The following KIAA1671 variants were observed in gnomAD, a reference collection of about 807,000 sequenced individuals.
KIAA1671 encodes uncharacterized protein KIAA1671.
KIAA1671 carries 52 observed loss-of-function variants against 131.2 expected under a neutral mutation model. The ratio of observed to expected loss-of-function variants is 0.40; its 90% CI spans 0.32 to 0.50. The LOEUF is 0.50. Among genes scored for constraint, KIAA1671 ranks in the 20% least tolerant of loss-of-function variants. KIAA1671 has a pLI of 0.73. For synonymous variants in KIAA1671, 1,003 were observed against 961.6 expected, an observed-to-expected ratio of 1.04 and a Z score of -0.80; for missense variants, 2,360 against 2,364.2, an observed-to-expected ratio of 1.00 and a Z score of 0.04.
intron 3 of KIAA1671, 29 bp downstream of exon 3, chr22:25,029,569 T>TCAGC (rs1926160134): frequency 6.9e-7 from 1 of 1,458,294 alleles, no homozygotes; most frequent in Non-Finnish European, 9.2e-7. Flanking sequence ...CACCCCTCTC[T>TCAGC]CAGCCGCCCA....
chr22:25,186,584 A>G (rs1415229107), intron 11 of KIAA1671: 1 of 152,228 alleles, frequency 6.6e-6, no homozygotes, highest in East Asian at 1.9e-4. Flanking sequence ...CAATGCAGTA[A>G]GTCCCTGCCT....
chr22:25,136,284 T>C (rs1262911498), intron 6 of KIAA1671, among the ~76,000 whole-genome samples: 2 of 152,194 alleles, frequency 1.3e-5, no homozygotes, highest in Admixed American at 1.3e-4. Context: ...CAATCAGCAT[T>C]ATGATCCTTG....
intron 6 of KIAA1671, among the ~76,000 whole-genome samples, chr22:25,170,018 G>A (rs1303540415): frequency 4.6e-5 from 7 of 152,106 alleles, no homozygotes; most frequent in South Asian, 2.1e-4. Flanking sequence ...AGTTCACGCC[G>A]TTCTCCTGCC....
At chr22:25,187,617 T>C (rs922133422) in intron 11 of KIAA1671, among the ~76,000 whole-genome samples, 6 of 152,142 alleles carry the variant, frequency 3.9e-5, no homozygotes, top group Non-Finnish European at 7.4e-5. Context: ...AGGTGAATCC[T>C]CCCACCTCAG....
rs989375056 is a variant in KIAA1671, at chr22:25,192,608, C to T, written c.*207C>T. The T allele has an allele frequency of 3.3e-5, 5 of 152,292 alleles. No homozygotes were observed. Among genetic ancestry groups the T allele is most frequent in the African/African-American group, 1.2e-4 (5 of 41,476 alleles). 9.4% of individuals were successfully genotyped at this position (152,292 alleles called of 1,614,324 possible). A position where few individuals can be genotyped will look rare whatever the true frequency, so the allele number is the denominator to read the frequency against. ...AAGACCCAACCTCCAGGAGCACTCG[C>T]TCATCTCCCCAGACAGCACTTCAGG... On this transcript the variant is annotated 3_prime_UTR_variant, in exon 13 of 13. Transcript: ENST00000358431.
At chr22:24,954,370 G>C (rs996818015) in intron 1 of KIAA1671, among the ~76,000 whole-genome samples, 3 of 152,090 alleles carry the variant, frequency 2.0e-5, no homozygotes, top group African/African-American at 7.2e-5. Context: ...GACAGTTCCC[G>C]AGGAATTTGT....
At chr22:24,963,141 A>G (rs888859048) in intron 1 of KIAA1671, among the ~76,000 whole-genome samples, 35 of 152,040 alleles carry the variant, frequency 2.3e-4, no homozygotes, top group African/African-American at 7.7e-4. Context: ...AGGCGGGCGG[A>G]TCACCTGAGG....
intron 1 of KIAA1671, among the ~76,000 whole-genome samples, chr22:25,005,509 T>C (rs996707293): frequency 1.3e-5 from 2 of 152,130 alleles, no homozygotes; most frequent in Non-Finnish European, 2.9e-5. Flanking sequence ...GCAAACTTGT[T>C]GCACTCGGCA....
At chr22:25,078,801 G>T (rs1929244255) in intron 6 of KIAA1671, among the ~76,000 whole-genome samples, 1 of 152,120 alleles carries the variant, frequency 6.6e-6, no homozygotes, top group Non-Finnish European at 1.5e-5. Context: ...CCTGAGGTTT[G>T]GGCCATGGAA....
intron 1 of KIAA1671, among the ~76,000 whole-genome samples, chr22:24,988,451 T>C (rs1054081450): frequency 6.6e-6 from 1 of 151,966 alleles, no homozygotes; most frequent in Non-Finnish European, 1.5e-5. Context: ...TCTTCAAAAA[T>C]GGGTTTGGGG....
At chr22:25,145,809 AG>A (rs1177670471) in intron 6 of KIAA1671, among the ~76,000 whole-genome samples, 1 of 152,188 alleles carries the variant, frequency 6.6e-6, no homozygotes, top group African/African-American at 2.4e-5. Context: ...ATATGGTGGC[AG>A]GCACCTGCAG....
At chr22:25,055,908 T>C (rs1927816372) in intron 6 of KIAA1671, 1 of 149,602 alleles carries the variant, frequency 6.7e-6, no homozygotes, top group African/African-American at 2.4e-5. Flanking sequence ...GCCCAGGCTA[T>C]AGTGCCGGTG....
chr22:25,059,492 A>T (rs901163127), intron 6 of KIAA1671: 2 of 152,930 alleles, frequency 1.3e-5, no homozygotes, highest in Admixed American at 1.3e-4. Context: ...AAAAAAAAAA[A>T]AAAAAAAAAT....
At chr22:25,017,052 G>A (rs1234747617) in intron 1 of KIAA1671, among the ~76,000 whole-genome samples, 1 of 152,130 alleles carries the variant, frequency 6.6e-6, no homozygotes, top group Non-Finnish European at 1.5e-5. Context: ...ATAGAAAAGG[G>A]TGGTAACTTC....
chr22:25,170,769 G>A (rs1933819359), intron 6 of KIAA1671, 51 bp from the exon 7 acceptor site: 1 of 1,524,090 alleles, frequency 6.6e-7, no homozygotes, highest in South Asian at 1.2e-5. Flanking sequence ...CGGGACGGGG[G>A]TTCTGAGTAC....
At chr22:25,034,939 G>A (rs981366831) in intron 4 of KIAA1671, among the ~76,000 whole-genome samples, 2 of 150,400 alleles carry the variant, frequency 1.3e-5, no homozygotes, top group African/African-American at 2.4e-5. Context: ...GGGTTTCACC[G>A]TGTTAGCCAG....
intron 6 of KIAA1671, among the ~76,000 whole-genome samples, chr22:25,090,006 G>T (rs1271961637): frequency 6.6e-6 from 1 of 152,160 alleles, no homozygotes; most frequent in Non-Finnish European, 1.5e-5. Context: ...AGGGTGGTGC[G>T]CTGTCAGACA....
intron 1 of KIAA1671, chr22:25,010,707 C>T: frequency 6.6e-6 from 1 of 152,150 alleles, no homozygotes; most frequent in East Asian, 1.9e-4. Flanking sequence ...TTGTGCCAAG[C>T]TCCGTGTTCA....
At chr22:25,079,638 C>T (rs1224390457) in intron 6 of KIAA1671, among the ~76,000 whole-genome samples, 1 of 152,134 alleles carries the variant, frequency 6.6e-6, no homozygotes, top group Non-Finnish European at 1.5e-5. Context: ...GGCTTTAAGG[C>T]CCAAGCATGC....
Sources: allele counts gnomAD v4.1 joint callset (sites outside exome capture counted in the v4.1 genomes callset), GRCh38; gene constraint gnomAD v4.1.1; transcripts MANE v1.5; gene names NCBI Gene and HGNC (gene_info 2026-07-23, HGNC 2026-07-21).